Variants in DLC1 observed in about 807,000 individuals in gnomAD.
DLC1 encodes the protein DLC1 Rho GTPase activating protein, also known as rho GTPase-activating protein 7.
A neutral mutation model predicts 140.3 loss-of-function variants in DLC1; 54 were observed. That is an observed-to-expected ratio of 0.38 (90% CI 0.31 to 0.48). The LOEUF (loss-of-function observed/expected upper bound fraction) is 0.48, where lower values mean the gene tolerates loss of function less well. Ranked by LOEUF, DLC1 falls within the 20% of genes least tolerant of loss-of-function variation. The pLI is 0.96. For missense variants in DLC1, 2,536 were observed against 1,907.0 expected (o/e 1.33, Z -6.14); for synonymous variants, 986 against 728.1 (o/e 1.35, Z -5.70).
chr8:13,282,001 G>C (rs1294991930), intron 5 of DLC1, among the ~76,000 whole-genome samples: 1 of 152,142 alleles, frequency 6.6e-6, no homozygotes, highest in South Asian at 2.1e-4. Flanking sequence ...ATATAGACTA[G>C]ATCATTTATT....
chr8:13,589,310 A>G (rs955250520), intron 1 of DLC1, among the ~76,000 whole-genome samples: 1 of 152,114 alleles, frequency 6.6e-6, no homozygotes, highest in Non-Finnish European at 1.5e-5. Flanking sequence ...AAAAAACAAA[A>G]TAAAGTCTTT....
chr8:13,273,049 C>T (rs1242260501), intron 5 of DLC1, among the ~76,000 whole-genome samples: 1 of 152,002 alleles, frequency 6.6e-6, no homozygotes, highest in Non-Finnish European at 1.5e-5. Context: ...CTCTATAATT[C>T]TATATATTTT....
intron 1 of DLC1, 137 bp from the exon 2 acceptor site, chr8:13,500,333 T>G (rs978503686): frequency 5.9e-6 from 2 of 340,220 alleles, no homozygotes; most frequent in African/African-American, 4.2e-5. Flanking sequence ...GCTTTAATAA[T>G]GTCATTTCTT....
intron 4 of DLC1, among the ~76,000 whole-genome samples, chr8:13,386,532 G>A (rs1271488250): frequency 1.3e-5 from 2 of 152,044 alleles, no homozygotes; most frequent in East Asian, 1.9e-4. Flanking sequence ...AGACAAGACT[G>A]TCTTGAGTTA....
At chr8:13,241,623 C>T (rs1289389819) in intron 5 of DLC1, among the ~76,000 whole-genome samples, 1 of 152,140 alleles carries the variant, frequency 6.6e-6, no homozygotes, top group Non-Finnish European at 1.5e-5. Flanking sequence ...CATCCAAGTC[C>T]TCTAAACGGC....
intron 2 of DLC1, among the ~76,000 whole-genome samples, chr8:13,491,606 G>A (rs141841154): frequency 5.4e-4 from 82 of 152,226 alleles, no homozygotes; most frequent in Middle Eastern, 3.4e-3. Context: ...ACTACTCATC[G>A]TTTGCTATTG....
At chr8:13,269,331 G>A (rs1057131001) in intron 5 of DLC1, among the ~76,000 whole-genome samples, 3 of 152,174 alleles carry the variant, frequency 2.0e-5, no homozygotes, top group African/African-American at 7.2e-5. Flanking sequence ...AAATGTTAGT[G>A]GTTGTCCTTG....
At position 13,581,675 on chromosome 8, in the gene DLC1, T is replaced by C. The variant is rs183071756; in HGVS notation, c.-126+22862A>G. Among the ~76,000 whole-genome samples, 6 of 152,334 alleles carry C rather than the reference T, an allele frequency of 3.9e-5. No homozygotes were observed. In the East Asian group the frequency reaches 1.2e-3, roughly 29 times the overall value. On this transcript the variant is annotated intron_variant, in intron 1 of 1. Coordinates refer to the DLC1 transcript ENST00000631382. The stretch of plus-strand genomic sequence containing the variant: ...TCACCCTGTAATCCAGTCTACATAA[T>C]GAAGGTAGGGTAATCTTTCAAAGAT...
intron 1 of DLC1, among the ~76,000 whole-genome samples, chr8:13,563,435 T>C (rs1947899): frequency 0.67 from 102,483 of 152,014 alleles, 34,783 homozygotes; most frequent in East Asian, 0.72. Context: ...ACAGAAACTA[T>C]AAATTAAAAT....
intron 5 of DLC1, among the ~76,000 whole-genome samples, chr8:13,263,743 C>G (rs958402800): frequency 6.6e-6 from 1 of 151,054 alleles, no homozygotes; most frequent in African/African-American, 2.4e-5. Context: ...ACCACTTTTA[C>G]AGCATTTGAA....
chr8:13,300,666 A>G (rs1417292856), intron 5 of DLC1, among the ~76,000 whole-genome samples: 3 of 152,156 alleles, frequency 2.0e-5, no homozygotes, highest in African/African-American at 7.2e-5. Context: ...ACAGACATGT[A>G]TCCGGTCCAG....
intron 2 of DLC1, among the ~76,000 whole-genome samples, chr8:13,437,273 T>C (rs1052539566): frequency 2.6e-5 from 4 of 152,202 alleles, no homozygotes; most frequent in Non-Finnish European, 4.4e-5. Flanking sequence ...TGGGACAGTG[T>C]ATTTAAGGCC....
chr8:13,524,014 T>C (rs1802840330), intron 1 of DLC1, among the ~76,000 whole-genome samples: 2 of 151,702 alleles, frequency 1.3e-5, no homozygotes, highest in Non-Finnish European at 2.9e-5. Flanking sequence ...GTTGGGAGTG[T>C]GACGCATGTG....
chr8:13,114,668 T>C (rs946937195), intron 6 of DLC1, among the ~76,000 whole-genome samples: 2 of 152,020 alleles, frequency 1.3e-5, no homozygotes, highest in Non-Finnish European at 2.9e-5. Flanking sequence ...CAATGAAAGA[T>C]TAGTATTTAG....
chr8:13,557,086 A>G (rs1344573658), intron 1 of DLC1, among the ~76,000 whole-genome samples: 1 of 152,202 alleles, frequency 6.6e-6, no homozygotes, highest in Non-Finnish European at 1.5e-5. Flanking sequence ...GACAGGGGAA[A>G]GCTGCTGGGG....
rs548168641 is a variant in DLC1, at chr8:13,099,447, G to T, written c.2890C>A (p.Leu964Met). The T allele has an allele frequency of 3.7e-6, 6 of 1,614,028 alleles. No individual in the cohort carries two copies. In the South Asian group the frequency reaches 5.5e-5, roughly 15 times the overall value. Residue 964 changes from leucine (L) to methionine (M), a missense_variant, in exon 9 of 18, where the codon CTG (leucine) becomes ATG (methionine). Leu to Met is a conservative substitution (Grantham distance 15). Transcript: ENST00000276297. ...VDNDRTTPSD[L>M]DSTGNSLNEP... is the part of the protein sequence containing the mutation. ...TTCAGGGAGTTGCCTGTGCTGTCCAGGTCGCTGGGTGTGGTTCGGTCGTTG... is the reference window on the plus strand; with the variant it reads ...TTCAGGGAGTTGCCTGTGCTGTCCATGTCGCTGGGTGTGGTTCGGTCGTTG...
intron 5 of DLC1, among the ~76,000 whole-genome samples, chr8:13,210,196 A>C (rs1827871588): frequency 6.6e-6 from 1 of 152,164 alleles, no homozygotes; most frequent in African/African-American, 2.4e-5. Flanking sequence ...TATTTTTTTA[A>C]AATAGCTAAC....
At chr8:13,110,988 G>A (rs556914636) in intron 6 of DLC1, among the ~76,000 whole-genome samples, 165 bp from the exon 7 acceptor site, 235 of 152,310 alleles carry the variant, frequency 1.5e-3, no homozygotes, top group African/African-American at 5.4e-3. Context: ...GGCAATTGAA[G>A]CCAATCGGGC....
At chr8:13,589,374 C>T (rs1316338460) in intron 1 of DLC1, among the ~76,000 whole-genome samples, 1 of 152,102 alleles carries the variant, frequency 6.6e-6, no homozygotes, top group African/African-American at 2.4e-5. Context: ...CAGCAAGGCA[C>T]AATGAGTCTC....
Sources: allele counts gnomAD v4.1 joint callset (sites outside exome capture counted in the v4.1 genomes callset), GRCh38; gene constraint gnomAD v4.1.1; transcripts MANE v1.5; gene names NCBI Gene and HGNC (gene_info 2026-07-23, HGNC 2026-07-21).